Variants in ATP9A observed in about 807,000 individuals in gnomAD.
ATP9A encodes the protein ATPase phospholipid transporting 9A, also known as probable phospholipid-transporting ATPase IIA.
ATP9A carries 52 observed loss-of-function variants against 144.1 expected under a neutral mutation model. The observed-to-expected ratio is 0.36, with a 90% confidence interval of 0.29 to 0.45. The LOEUF (loss-of-function observed/expected upper bound fraction) is 0.45. ATP9A is among the 20% of genes least tolerant of loss of function. ATP9A has a pLI of 1.00. For missense variants in ATP9A, 947 were observed against 1,392.7 expected (o/e 0.68, Z 5.09); for synonymous variants, 582 against 557.4 (o/e 1.04, Z -0.62).
rs980924081 is a variant in ATP9A, at chr20:51,723,566, T to C, written c.327+2253A>G. 2.9e-3 allele frequency among the ~76,000 whole-genome samples: 120 copies of C among 40,934 alleles called. 1 individual carries two copies. Among genetic ancestry groups the C allele is most frequent in the African/African-American group, 5.3e-3 (41 of 7,732 alleles). The allele number at this position is 40,934 out of a possible 152,430, so 26.9% of individuals were successfully genotyped here. ...ACAGCCTGGGCAACAGCAAATTCTTTTTTTTTTTTTTTTTTTTGAGACGGA... is the reference window on the plus strand; with the variant it reads ...ACAGCCTGGGCAACAGCAAATTCTTCTTTTTTTTTTTTTTTTTGAGACGGA... On this transcript the variant is annotated intron_variant, in intron 3 of 27. Transcript: ENST00000338821.
intron 1 of ATP9A, among the ~76,000 whole-genome samples, chr20:51,741,049 AT>A (rs966113128): frequency 8.1e-4 from 123 of 151,874 alleles, no homozygotes; most frequent in African/African-American, 2.8e-3. Context: ...TTAATTAAAA[AT>A]AAATTTTAAT....
chr20:51,658,926 C>T (rs369382643), intron 13 of ATP9A, among the ~76,000 whole-genome samples: 1 of 125,994 alleles, frequency 7.9e-6, no homozygotes, highest in South Asian at 2.5e-4. Flanking sequence ...TGAACACAAG[C>T]CAAATGCCCT....
rs528074027 is a variant in ATP9A at position 51,666,593 on chromosome 20, T to C, written c.1293+3404A>G. Among the ~76,000 whole-genome samples the C allele has an allele frequency of 2.3e-4, 34 of 151,080 alleles. No homozygotes were observed. In the South Asian group the frequency reaches 2.9e-3, roughly 13 times the overall value. On this transcript the variant is annotated intron_variant, in intron 13 of 27. Coordinates refer to ENST00000338821, the MANE Select transcript of ATP9A (RefSeq NM_006045.3). ...CTACTAGGAAGGCTGAGGCAGAGAA[T>C]TGCTTGAACCCGGGAGGTGGAGGTT...
intron 13 of ATP9A, among the ~76,000 whole-genome samples, chr20:51,665,458 C>T (rs568664427): frequency 6.6e-6 from 1 of 152,248 alleles, no homozygotes; most frequent in East Asian, 1.9e-4. Context: ...GTGGTTCAAG[C>T]CTGTAATCCC....
chr20:51,656,908 C>G (rs1469135847), intron 14 of ATP9A, 30 bp downstream of exon 14: 5 of 1,597,248 alleles, frequency 3.1e-6, no homozygotes, highest in Non-Finnish European at 4.3e-6. Context: ...CAGGGCCTCC[C>G]CATGCCTTGC....
chr20:51,644,445 G>A, intron 14 of ATP9A, among the ~76,000 whole-genome samples: 1 of 138,716 alleles, frequency 7.2e-6, no homozygotes, highest in Admixed American at 7.3e-5. Flanking sequence ...TTTTTTTTTT[G>A]TATTTTTAGT....
At chr20:51,709,292 A>G (rs1014888257) in intron 4 of ATP9A, among the ~76,000 whole-genome samples, 9 of 152,134 alleles carry the variant, frequency 5.9e-5, no homozygotes, top group Admixed American at 5.9e-4. Context: ...AGGTGGGCCA[A>G]CTGCCTGAGG....
rs183613927 is a variant in ATP9A at position 51,713,060 on chromosome 20, G to T, written c.342C>A (p.Ala114=). ...CCACCGCCTCACGGATGACAGTGAC[G>T]GCCAGCACGAAGCCCTGCAGAGACA... ...TYWVPLGFVL[A]VTVIREAVEE... Residue 114 remains alanine, a synonymous_variant, in exon 4 of 28, where the codon GCC becomes GCA. Transcript: ENST00000338821. The T allele has an allele frequency of 8.7e-5, 140 of 1,611,216 alleles. 2 individuals are homozygous for T. The East Asian group carries it at 1.8e-3, about 21-fold the overall frequency.
At chr20:51,707,506 A>C (rs2077619667) in intron 4 of ATP9A, among the ~76,000 whole-genome samples, 1 of 152,144 alleles carries the variant, frequency 6.6e-6, no homozygotes. Context: ...CTTCACTTAC[A>C]GCAACCCTTT....
chr20:51,642,725 CCAAAAAAAAAAAAAAAAAAAA>C lies in ATP9A; in HGVS notation c.1507-3242_1507-3222del, dbSNP rs761260334. On this transcript the variant is annotated intron_variant, in intron 14 of 27. Transcript: ENST00000338821. ...TGGGTGACTGAGTGAGACTCTGTCT[CCAAAAAAAAAAAAAAAAAAAA>C]AAAAAAAAAAAAAAAAAACCTGGCG... 3.8e-4 allele frequency among the ~76,000 whole-genome samples: 25 copies of C among 65,574 alleles called. 1 individual carries two copies. The highest frequency in any genetic ancestry group is 1.4e-3 in the African/African-American group (21 of 15,152). The allele number at this position is 65,574 out of a possible 152,430, so 43.0% of individuals were successfully genotyped here. A position where few individuals can be genotyped will look rare whatever the true frequency, so the allele number is the denominator to read the frequency against.
intron 9 of ATP9A, among the ~76,000 whole-genome samples, chr20:51,680,485 C>T (rs1195731707): frequency 5.3e-5 from 8 of 152,136 alleles, no homozygotes; most frequent in Admixed American, 5.2e-4. Context: ...CCTCCTCCAT[C>T]CCTCCCCTTA....
intron 7 of ATP9A, among the ~76,000 whole-genome samples, chr20:51,691,707 A>G (rs1395394471): frequency 1.3e-5 from 2 of 152,228 alleles, no homozygotes; most frequent in Non-Finnish European, 2.9e-5. Flanking sequence ...AATTAATCAG[A>G]AAACTACCAT....
At chr20:51,614,545 C>T (rs6067847) in intron 22 of ATP9A, among the ~76,000 whole-genome samples, 40,685 of 152,022 alleles carry the variant, frequency 0.27, 5,713 homozygotes, top group Middle Eastern at 0.32. Context: ...AAGCCATCCG[C>T]CCACCTCAGC....
intron 11 of ATP9A, 99 bp downstream of exon 11, chr20:51,674,054 A>ATT: frequency 7.2e-7 from 1 of 1,392,340 alleles, no homozygotes; most frequent in Non-Finnish European, 9.6e-7. Context: ...CCATCTCAGA[A>ATT]AACAATAATA....
At chr20:51,678,753 A>G (rs1045555334) in intron 9 of ATP9A, among the ~76,000 whole-genome samples, 2 of 152,206 alleles carry the variant, frequency 1.3e-5, no homozygotes, top group Non-Finnish European at 2.9e-5. Context: ...AGAGGGCCCC[A>G]GTAACAAGGG....
At chr20:51,724,959 G>A (rs373024201) in intron 3 of ATP9A, among the ~76,000 whole-genome samples, 6 of 152,314 alleles carry the variant, frequency 3.9e-5, no homozygotes, top group African/African-American at 1.4e-4. Context: ...GTTTGAGATT[G>A]CAGATGTTTC....
intron 4 of ATP9A, among the ~76,000 whole-genome samples, chr20:51,710,914 G>A (rs2077635752): frequency 1.3e-5 from 2 of 152,166 alleles, no homozygotes; most frequent in African/African-American, 4.8e-5. Flanking sequence ...AATGGAATCC[G>A]AAGGCCTCTT....
chr20:51,767,991 G>A (rs2077912863), intron 1 of ATP9A, among the ~76,000 whole-genome samples: 2 of 152,184 alleles, frequency 1.3e-5, no homozygotes, highest in Non-Finnish European at 2.9e-5. Flanking sequence ...AGAAAGCACG[G>A]CTGATCCGAA....
chr20:51,684,889 T>C (rs1455507473), intron 9 of ATP9A, among the ~76,000 whole-genome samples: 2 of 150,466 alleles, frequency 1.3e-5, no homozygotes, highest in African/African-American at 2.4e-5. Flanking sequence ...CAGGCGCCTG[T>C]AGTCCCGGCT....
Sources: allele counts gnomAD v4.1 joint callset (sites outside exome capture counted in the v4.1 genomes callset), GRCh38; gene constraint gnomAD v4.1.1; transcripts MANE v1.5; gene names NCBI Gene and HGNC (gene_info 2026-07-23, HGNC 2026-07-21).